The following CLASRP variants were observed in gnomAD, a reference collection of about 807,000 sequenced individuals.
CLASRP encodes CLK4-associating serine/arginine rich protein.
CLASRP carries 52 observed loss-of-function variants against 99.9 expected under a neutral mutation model. That is an observed-to-expected ratio of 0.52 (90% CI 0.42 to 0.66). CLASRP has a LOEUF of 0.66. CLASRP is among the 30% of genes least tolerant of loss of function. CLASRP has a pLI of 0.00. For synonymous variants in CLASRP, 379 were observed against 373.0 expected (o/e 1.02, Z -0.18); for missense variants, 848 against 999.2 (o/e 0.85, Z 2.04).
Position 45,064,569 on chromosome 19 carries a change from G to A in CLASRP, c.1348G>A (p.Gly450Arg), listed in dbSNP as rs758432068. The change falls in exon 13 of 21, where the codon GGA becomes AGA. Residue 450 changes from glycine to arginine, a missense_variant. Around this residue, in one of 8 missense-constraint regions of CLASRP, gnomAD observed 489 missense variants for 434.7 expected, o/e 1.12. Transcript: ENST00000221455. The stretch of plus-strand genomic sequence containing the variant: ...GCACTCAGGTGGGGGCTCCCGAGAC[G>A]GACACCGGTACTCCCGCTCGCCCGC... ...RRHSGGGSRD[G>R]HRYSRSPARR... 3 of 1,541,000 alleles carry A rather than the reference G, an allele frequency of 1.9e-6. No homozygotes were observed. Among genetic ancestry groups the A allele is most frequent in the Non-Finnish European group, 2.6e-6 (3 of 1,147,958 alleles).
chr19:45,053,270 A>G (rs1972060499), intron 5 of CLASRP, 93 bp downstream of exon 5: 8 of 1,263,090 alleles, frequency 6.3e-6, no homozygotes, highest in African/African-American at 1.5e-5. Context: ...TTATCCACAT[A>G]CTTTCTACTA....
At chr19:45,070,635 C>T (rs1343416924) in intron 20 of CLASRP, 74 bp downstream of exon 20, 35 of 1,441,978 alleles carry the variant, frequency 2.4e-5, no homozygotes, top group Non-Finnish European at 3.0e-5. Flanking sequence ...GGCTGTCATT[C>T]CTCCAGCCTC....
chr19:45,061,822 G>A (rs948468140), intron 10 of CLASRP, among the ~76,000 whole-genome samples: 11 of 151,612 alleles, frequency 7.3e-5, no homozygotes, highest in African/African-American at 2.4e-4. Flanking sequence ...TAGTAAGCCC[G>A]GACCCAGTGA....
intron 13 of CLASRP, 92 bp downstream of exon 13, chr19:45,064,722 G>A (rs113133682): frequency 0.016 from 22,846 of 1,453,850 alleles, 244 homozygotes; most frequent in African/African-American, 0.045. Flanking sequence ...AAACCTGGCC[G>A]TCCAGCTCAG....
intron 2 of CLASRP, among the ~76,000 whole-genome samples, chr19:45,051,283 G>A (rs969915692): frequency 1.3e-5 from 2 of 151,990 alleles, no homozygotes; most frequent in Non-Finnish European, 1.5e-5. Flanking sequence ...CCACCACCTC[G>A]AGAGGAACCA....
intron 6 of CLASRP, among the ~76,000 whole-genome samples, chr19:45,057,246 C>G: frequency 6.6e-6 from 1 of 152,202 alleles, no homozygotes; most frequent in African/African-American, 2.4e-5. Context: ...TCAGTGACAC[C>G]TTCCCTCCTG....
chr19:45,047,494 C>T (rs907945079), intron 2 of CLASRP: 7 of 148,950 alleles, frequency 4.7e-5, no homozygotes, highest in African/African-American at 1.5e-4. Flanking sequence ...AAAATTGGAA[C>T]GATACGGGGA....
rs1177823007 is a variant in CLASRP, at chr19:45,064,553, T to G, written c.1332T>G (p.Gly444=). The G allele has an allele frequency of 6.5e-7, 1 of 1,538,740 alleles. No homozygotes were observed. The change falls in exon 13 of 21, where the codon GGT becomes GGG. Residue 444 remains glycine (G), a synonymous_variant. Transcript: ENST00000221455. ...RSRSRGRRHS[G]GGSRDGHRYS... ...GTAGCCGTGGCCGGCGGCACTCAGGTGGGGGCTCCCGAGACGGACACCGGT... is the reference window on the plus strand; with the variant it reads ...GTAGCCGTGGCCGGCGGCACTCAGGGGGGGGCTCCCGAGACGGACACCGGT...
intron 11 of CLASRP, among the ~76,000 whole-genome samples, chr19:45,062,793 C>A (rs968537917): frequency 3.3e-5 from 5 of 152,276 alleles, no homozygotes; most frequent in African/African-American, 9.6e-5. Flanking sequence ...ACTGAGAAAT[C>A]AAGTCACTTT....
intron 6 of CLASRP, 45 bp downstream of exon 6, chr19:45,056,579 C>T (rs764387044): frequency 6.6e-7 from 1 of 1,523,402 alleles, no homozygotes; most frequent in South Asian, 1.1e-5. Flanking sequence ...GGCAGGAGGG[C>T]TGGGAGCCCC....
At chr19:45,068,154 G>C in intron 15 of CLASRP, 100 bp downstream of exon 15, 1 of 1,060,134 alleles carries the variant, frequency 9.4e-7, no homozygotes, top group African/African-American at 1.6e-5. Flanking sequence ...TGGGCTGGGA[G>C]ATCCAGCCCC....
At chr19:45,046,500 C>A (rs948899514) in intron 2 of CLASRP, among the ~76,000 whole-genome samples, 11 of 152,188 alleles carry the variant, frequency 7.2e-5, no homozygotes, top group African/African-American at 2.7e-4. Flanking sequence ...CAGGTGTTCC[C>A]CCTGTGGGCC....
intron 7 of CLASRP, 32 bp from the exon 8 acceptor site, chr19:45,059,236 C>T (rs538127445): frequency 1.1e-5 from 18 of 1,580,248 alleles, no homozygotes; most frequent in African/African-American, 2.7e-5. Context: ...CTCGCTCGGC[C>T]GTGGCTCCTG....
rs1276502750 is a variant in CLASRP, at chr19:45,067,457, C to T, written c.1530C>T (p.Arg510=). The change falls in exon 14 of 21, where the codon CGC becomes CGT. Residue 510 remains arginine, a synonymous_variant. Coordinates refer to ENST00000221455, the MANE Select transcript of CLASRP (RefSeq NM_007056.3). The surrounding 1 kb of genome is among the most constrained non-coding windows in gnomAD (Gnocchi z 4.9). ...LSPSRSRSLT[R]SRSHSPSPSQ... is the part of the protein sequence containing the mutation. ...CGTCCCGCAGTCGCAGCCTGACTCG[C>T]AGCCGCAGCCATAGCCCCAGCCCCA... The T allele has an allele frequency of 2.6e-6, 4 of 1,548,794 alleles. No homozygotes were observed. Among genetic ancestry groups the T allele is most frequent in the African/African-American group, 2.7e-5 (2 of 73,150 alleles).
intron 2 of CLASRP, among the ~76,000 whole-genome samples, chr19:45,051,530 TCCTGACTTCAGATGACCTG>T (rs1972023003): frequency 6.6e-6 from 1 of 152,044 alleles, no homozygotes; most frequent in Non-Finnish European, 1.5e-5. Flanking sequence ...GGTCTGGAAC[TCCTGACTTCAGATGACCTG>T]CCTGCCTTGG....
chr19:45,067,308 GTCC>G lies in CLASRP; in HGVS notation c.1410-22_1410-20del. The G allele has an allele frequency of 6.8e-7, 1 of 1,476,298 alleles. No homozygotes were observed. The highest frequency in any genetic ancestry group is 9.0e-7 in the Non-Finnish European group (1 of 1,117,226). 91.4% of individuals were successfully genotyped at this position (1,476,298 alleles called of 1,614,324 possible). A position where few individuals can be genotyped will look rare whatever the true frequency, so the allele number is the denominator to read the frequency against. On this transcript the variant is annotated intron_variant, in intron 13 of 20. Coordinates refer to ENST00000221455, the MANE Select transcript of CLASRP (RefSeq NM_007056.3). This position sits in a 1 kb window ranked among gnomAD's most constrained non-coding sequence, Gnocchi z 4.9. ...CGGTTGGGGTCCCTGGAGCCTCACA[GTCC>G]TCCTCCCGCCCTGCTGCATCCCCAG...
chr19:45,040,358 G>C, intron 2 of CLASRP, 47 bp downstream of exon 2: 1 of 1,346,450 alleles, frequency 7.4e-7, no homozygotes, highest in Non-Finnish European at 1.0e-6. Flanking sequence ...TGGGTTGGGG[G>C]GCACAGCTGG....
intron 2 of CLASRP, among the ~76,000 whole-genome samples, chr19:45,041,764 ATGGCC>A (rs1162313374): frequency 6.6e-6 from 1 of 152,198 alleles, no homozygotes; most frequent in East Asian, 1.9e-4. Context: ...AGGGTCCTGC[ATGGCC>A]TGGCCTTTGC....
intron 5 of CLASRP, 109 bp downstream of exon 5, chr19:45,053,286 C>T (rs983508146): frequency 1.9e-6 from 2 of 1,046,564 alleles, no homozygotes; most frequent in East Asian, 2.5e-5. Flanking sequence ...TACTAAAGGG[C>T]CTTGGGTTCC....
Sources: allele counts gnomAD v4.1 joint callset (sites outside exome capture counted in the v4.1 genomes callset), GRCh38; gene constraint gnomAD v4.1.1; regional missense constraint gnomAD v4.1.1; non-coding constraint Gnocchi (gnomAD v3.1); transcripts MANE v1.5; gene names NCBI Gene and HGNC (gene_info 2026-07-23, HGNC 2026-07-21).